Variants in ZEB2 observed in about 807,000 individuals in gnomAD.
ZEB2 encodes zinc finger E-box-binding homeobox 2.
A neutral mutation model predicts 99.9 loss-of-function variants in ZEB2; 6 were observed. The observed-to-expected ratio is 0.06, with a 90% CI of 0.03 to 0.12. ZEB2 has a LOEUF of 0.12. ZEB2 is among the 10% of genes least tolerant of loss of function. ZEB2 has a pLI of 1.00. For synonymous variants in ZEB2, 517 were observed against 542.5 expected, an observed-to-expected ratio of 0.95 and a Z score of 0.65; for missense variants, 969 against 1,502.8, an observed-to-expected ratio of 0.64 and a Z score of 5.87.
Position 144,399,025 on chromosome 2 carries a change from G to A in ZEB2, c.2162C>T (p.Pro721Leu), listed in dbSNP as rs1240429329. ...SSKPLAPNSN[P>L]PTKDSLLPRS... ...GGGTAATAAAGAGTCTTTTGTGGGA[G>A]GGTTACTGTTGGGAGCTAACGGCTT... Residue 721 changes from proline to leucine, a missense_variant, in exon 8 of 10, where the codon CCT becomes CTT. Pro to Leu is a moderately conservative substitution (Grantham distance 98). This residue lies in a region of ZEB2 where 346 missense variants were observed against 460.0 expected (regional missense o/e 0.75). Transcript: ENST00000627532. The surrounding 1 kb of genome is among the most constrained non-coding windows in gnomAD (Gnocchi z 5.6). The A allele has an allele frequency of 3.7e-6, 6 of 1,613,994 alleles. No homozygotes were observed. Among genetic ancestry groups the A allele is most frequent in the Non-Finnish European group, 5.1e-6 (6 of 1,179,986 alleles).
At chr2:144,439,612 G>A (rs1461170245) in intron 2 of ZEB2, among the ~76,000 whole-genome samples, 2 of 152,128 alleles carry the variant, frequency 1.3e-5, no homozygotes, top group African/African-American at 4.8e-5. Flanking sequence ...GTAACTAACC[G>A]AATACACACA....
intron 2 of ZEB2, among the ~76,000 whole-genome samples, chr2:144,434,323 T>C (rs1703810342): frequency 1.3e-5 from 2 of 152,116 alleles, no homozygotes; most frequent in Non-Finnish European, 2.9e-5. Context: ...ATCCAGAAGA[T>C]AGAAGGAAGT....
intron 9 of ZEB2, among the ~76,000 whole-genome samples, chr2:144,395,524 G>T (rs1703216241): frequency 6.6e-6 from 1 of 151,902 alleles, no homozygotes; most frequent in African/African-American, 2.4e-5. Context: ...CCCGATCCAG[G>T]GCTAATAGAG....
At chr2:144,435,321 C>A (rs889364487) in intron 2 of ZEB2, among the ~76,000 whole-genome samples, 2 of 151,864 alleles carry the variant, frequency 1.3e-5, no homozygotes, top group Non-Finnish European at 2.9e-5. Context: ...AAAATAAGTC[C>A]TTTTGGCCAG....
At chr2:144,431,744 T>G (rs927132019) in intron 2 of ZEB2, among the ~76,000 whole-genome samples, 1 of 11,546 alleles carries the variant, frequency 8.7e-5, no homozygotes, top group Non-Finnish European at 8.5e-4. Context: ...ATAATGTGCT[T>G]CTTTTTTTTT....
intron 4 of ZEB2, among the ~76,000 whole-genome samples, chr2:144,412,673 G>A (rs1422840064): frequency 6.6e-6 from 1 of 152,202 alleles, no homozygotes. Flanking sequence ...ATGGCTAAAT[G>A]AGACATTCAT....
intron 2 of ZEB2, among the ~76,000 whole-genome samples, chr2:144,441,601 TCAAA>T (rs1221513670): frequency 6.0e-5 from 9 of 151,250 alleles, no homozygotes; most frequent in African/African-American, 1.5e-4. Flanking sequence ...GGAAAATTCC[TCAAA>T]CAAAGAGACC....
Position 144,385,952 on chromosome 2 carries a change from G to A in ZEB2, c.*3499C>T, listed in dbSNP as rs1703077286. ...CGCCCCCAGTCCAATTCATGCTAAG[G>A]AAGATGTATGTTTTGTTTAGCTCTT... is the stretch of plus-strand genomic sequence containing the variant. On this transcript the variant is annotated 3_prime_UTR_variant, in exon 10 of 10. Transcript: ENST00000627532. 1 of 152,036 alleles carries A rather than the reference G, an allele frequency of 6.6e-6. No individual in the cohort carries two copies. Among genetic ancestry groups the A allele is most frequent in the Admixed American group, 6.6e-5 (1 of 15,266 alleles). 9.4% of individuals were successfully genotyped at this position (152,036 alleles called of 1,614,324 possible). A position where few individuals can be genotyped will look rare whatever the true frequency, so the allele number is the denominator to read the frequency against.
chr2:144,457,097 C>T lies in ZEB2; in HGVS notation c.74-27071G>A, dbSNP rs563758975. Among the ~76,000 whole-genome samples the T allele has an allele frequency of 3.9e-5, 6 of 152,248 alleles. No individual in the cohort carries two copies. In the East Asian group the frequency reaches 9.6e-4, roughly 24 times the overall value. ...CCCTATAGACTTTCTATAACGTCTA[C>T]GTTTCCAGAATCTCATGTGTGCCTT... On this transcript the variant is annotated intron_variant, in intron 2 of 9. Transcript: ENST00000627532.
chr2:144,503,820 C>A (rs201399721), intron 2 of ZEB2: 3 of 151,974 alleles, frequency 2.0e-5, no homozygotes, highest in African/African-American at 7.2e-5. Context: ...CAACTTAATA[C>A]GTGTTCTCAT....
intron 2 of ZEB2, among the ~76,000 whole-genome samples, chr2:144,448,499 G>A (rs16823737): frequency 0.13 from 19,683 of 152,178 alleles, 1,470 homozygotes; most frequent in East Asian, 0.25. Flanking sequence ...CTCTCTGAAC[G>A]CTGCATCACA....
intron 8 of ZEB2, among the ~76,000 whole-genome samples, chr2:144,397,244 T>C (rs35754079): frequency 6.6e-6 from 1 of 152,244 alleles, no homozygotes; most frequent in Admixed American, 6.5e-5. Flanking sequence ...AGTGCAAACT[T>C]GCATGATAAC....
In ZEB2 at chr2:144,517,288, C is replaced by T. The variant is rs1489080419; in HGVS notation, c.63G>A (p.Arg21=). Reference sequence around the variant, plus strand: ...CGGGCTGCTTCTTACCGTTTTTCCTCCTGGGATTGGCTTGTTTGCGCCTCT... The same window carrying T: ...CGGGCTGCTTCTTACCGTTTTTCCTTCTGGGATTGGCTTGTTTGCGCCTCT... ...RCKRRKQANP[R]RKNVVNYDNV... Residue 21 remains arginine, a synonymous_variant, in exon 2 of 10, where the codon AGG becomes AGA. Transcript: ENST00000627532. 4 of 1,613,566 alleles carry T rather than the reference C, an allele frequency of 2.5e-6. No individual in the cohort carries two copies. Among genetic ancestry groups the T allele is most frequent in the East Asian group, 2.2e-5 (1 of 44,862 alleles).
intron 2 of ZEB2, chr2:144,513,355 G>A (rs762399253): frequency 1.5e-6 from 2 of 1,315,836 alleles, no homozygotes; most frequent in South Asian, 2.5e-5. Context: ...TGCCACTGAA[G>A]TTCAGAGACC....
At chr2:144,427,423 A>T (rs1356953914) in intron 3 of ZEB2, 3 of 152,258 alleles carry the variant, frequency 2.0e-5, no homozygotes, top group Non-Finnish European at 4.4e-5. Context: ...CAAAGGAGAG[A>T]GGGCTTATCT....
At chr2:144,466,202 A>T (rs781483391) in intron 2 of ZEB2, among the ~76,000 whole-genome samples, 1 of 152,210 alleles carries the variant, frequency 6.6e-6, no homozygotes, top group African/African-American at 2.4e-5. Flanking sequence ...AGGGGGGAAA[A>T]GTCTGTTAAC....
At chr2:144,517,635 G>C in intron 1 of ZEB2, 1 of 699,126 alleles carries the variant, frequency 1.4e-6, no homozygotes, top group Non-Finnish European at 2.6e-6. Context: ...GCACCCGCGA[G>C]GGGATCAGAG....
intron 2 of ZEB2, among the ~76,000 whole-genome samples, chr2:144,467,332 T>G (rs1222353171): frequency 6.6e-6 from 1 of 152,102 alleles, no homozygotes; most frequent in African/African-American, 2.4e-5. Flanking sequence ...TGTGGAATGT[T>G]AAAATGGGCT....
intron 2 of ZEB2, among the ~76,000 whole-genome samples, chr2:144,460,918 G>GTAC (rs1704184460): frequency 6.6e-6 from 1 of 151,986 alleles, no homozygotes; most frequent in South Asian, 2.1e-4. Flanking sequence ...TTTGTTTGAT[G>GTAC]TACTGTCTTA....
Sources: gnomAD v4.1 joint callset for allele counts (sites outside exome capture counted in the v4.1 genomes callset) on GRCh38, gnomAD v4.1.1 for gene constraint, gnomAD v4.1.1 regional missense constraint, Gnocchi (gnomAD v3.1) non-coding constraint, MANE v1.5 for transcripts, NCBI Gene and HGNC (gene_info 2026-07-23, HGNC 2026-07-21) for gene names.